The following ABCC6 variants were observed in gnomAD, a reference collection of about 807,000 sequenced individuals.
ABCC6 encodes ATP binding cassette subfamily C member 6.
ABCC6 carries 126 observed loss-of-function variants against 169.5 expected under a neutral mutation model. That is an observed-to-expected ratio of 0.74 (90% CI 0.64 to 0.86). The LOEUF is 0.86. Ranked by LOEUF, ABCC6 falls within the 40% of genes least tolerant of loss-of-function variation. The probability of loss-of-function intolerance (pLI) is 0.00; values close to 1 mark genes in which losing one functional copy is unlikely to be tolerated. For synonymous variants in ABCC6, 752 were observed against 814.7 expected (o/e 0.92, Z 1.31); for missense variants, 1,733 against 1,927.2 (o/e 0.90, Z 1.89).
At chr16:16,158,053 C>T (rs2046607666) in intron 26 of ABCC6, among the ~76,000 whole-genome samples, 1 of 152,106 alleles carries the variant, frequency 6.6e-6, no homozygotes, top group African/African-American at 2.4e-5. Flanking sequence ...ATAAAATAAT[C>T]TCTTTTTCTA....
chr16:16,179,538 G>A (rs1290477828), intron 17 of ABCC6, among the ~76,000 whole-genome samples: 1 of 151,936 alleles, frequency 6.6e-6, no homozygotes, highest in African/African-American at 2.4e-5. Context: ...GTTTCAGGAC[G>A]ATTCAAGCAC....
At chr16:16,190,096 C>T in intron 12 of ABCC6, 68 bp downstream of exon 12, 2 of 1,572,256 alleles carry the variant, frequency 1.3e-6, no homozygotes, top group Middle Eastern at 2.2e-4. Context: ...CTCCACCTAC[C>T]TCACCCTGCC....
chr16:16,221,393 T>C, intron 2 of ABCC6: 1 of 1,414,828 alleles, frequency 7.1e-7, no homozygotes, highest in Non-Finnish European at 9.3e-7. Flanking sequence ...ATGGTAGCTA[T>C]AAACTGTCCA....
At chr16:16,159,018 A>G (rs970645974) in intron 26 of ABCC6, among the ~76,000 whole-genome samples, 3 of 152,286 alleles carry the variant, frequency 2.0e-5, no homozygotes, top group East Asian at 3.9e-4. Flanking sequence ...TGTTGCCATC[A>G]TGTTACTATA....
chr16:16,157,941 T>C (rs896191742), intron 26 of ABCC6, 132 bp from the exon 27 acceptor site: 17 of 1,021,646 alleles, frequency 1.7e-5, no homozygotes, highest in Admixed American at 2.7e-5. Context: ...AGGGTTGTTA[T>C]GGGAATTCAA....
intron 20 of ABCC6, among the ~76,000 whole-genome samples, chr16:16,173,853 T>C (rs2047188272): frequency 6.6e-6 from 1 of 152,172 alleles, no homozygotes; most frequent in Non-Finnish European, 1.5e-5. Flanking sequence ...TTATTTTGGC[T>C]TAAGCTTTCG....
At chr16:16,207,929 C>G (rs1018599269) in intron 7 of ABCC6, among the ~76,000 whole-genome samples, 6 of 151,180 alleles carry the variant, frequency 4.0e-5, no homozygotes, top group African/African-American at 1.5e-4. Flanking sequence ...TGAGCACTTC[C>G]CATTTGCAAG....
In ABCC6 at chr16:16,173,006, C is replaced by A. The variant is rs868393325; in HGVS notation, c.2787+278G>T. 1.6e-4 allele frequency: 78 copies of A among 479,958 alleles called. 1 individual carries two copies. Among genetic ancestry groups the A allele is most frequent in the South Asian group, 1.6e-3 (73 of 46,992 alleles). The allele number at this position is 479,958 out of a possible 1,614,324, so 29.7% of individuals were successfully genotyped here. ...GCAGTGAGCTATGATTACATCACTG[C>A]GGTCCAGCCTGGGTGAGTGAGCGAG... is the stretch of plus-strand genomic sequence containing the variant. On this transcript the variant is annotated intron_variant, in intron 21 of 30. Coordinates refer to ENST00000205557, the MANE Select transcript of ABCC6 (RefSeq NM_001171.6).
At chr16:16,204,061 CTT>C (rs941151148) in intron 7 of ABCC6, among the ~76,000 whole-genome samples, 8 of 145,086 alleles carry the variant, frequency 5.5e-5, no homozygotes, top group Non-Finnish European at 4.6e-5. Context: ...TTTTCTTTTC[CTT>C]TTTTTTTTTT....
intron 13 of ABCC6, among the ~76,000 whole-genome samples, chr16:16,188,184 T>C (rs956923671): frequency 6.8e-6 from 1 of 147,242 alleles, no homozygotes; most frequent in African/African-American, 2.5e-5. Context: ...GTTCAAGACC[T>C]GCCTGGCCAA....
rs2046602849 is a variant in ABCC6, at chr16:16,157,866, A to G, written c.3736-57T>C. On this transcript the variant is annotated intron_variant, in intron 26 of 30. Coordinates refer to ENST00000205557, the MANE Select transcript of ABCC6 (RefSeq NM_001171.6). ...GCCTTCCTCTAAGACTTCACACAAG[A>G]TGGCCCACCTCTATCAGCTTCAGTT... is the stretch of plus-strand genomic sequence containing the variant. The G allele has an allele frequency of 3.2e-6, 5 of 1,562,902 alleles. No individual in the cohort carries two copies. In the South Asian group the frequency reaches 3.4e-5, roughly 11 times the overall value.
At position 16,169,864 on chromosome 16, in the gene ABCC6, C is replaced by T. The variant is rs1567485138; in HGVS notation, c.2788-11G>A. 6.4e-7 allele frequency: 1 copy of T among 1,551,042 alleles called. No individual in the cohort carries two copies. Among genetic ancestry groups the T allele is most frequent in the Non-Finnish European group, 8.7e-7 (1 of 1,147,380 alleles). ...CACTGTGGCCTTCACCTGTAGCACA[C>T]ATGAGGGAGAGGGAGGCAGAGAGAG... On this transcript the variant is annotated splice_polypyrimidine_tract_variant and intron_variant, in intron 21 of 30. Coordinates refer to ENST00000205557, the MANE Select transcript of ABCC6 (RefSeq NM_001171.6).
intron 21 of ABCC6, among the ~76,000 whole-genome samples, chr16:16,172,089 G>A (rs1169824039): frequency 1.3e-4 from 19 of 146,112 alleles, no homozygotes; most frequent in African/African-American, 3.5e-4. Context: ...TAAATGAGTG[G>A]GTGGGATGGC....
intron 15 of ABCC6, among the ~76,000 whole-genome samples, chr16:16,183,149 C>G (rs946364166): frequency 1.3e-5 from 2 of 152,178 alleles, no homozygotes; most frequent in Non-Finnish European, 2.9e-5. Context: ...CACATGCATG[C>G]ACATTTGCAC....
Position 16,188,871 on chromosome 16 carries a change from G to T in ABCC6, c.1739C>A (p.Ala580Asp). Residue 580 changes from alanine to aspartate, a missense_variant, in exon 13 of 31, where the codon GCC becomes GAC. By Grantham distance (126) the Ala-to-Asp change is moderately radical. Transcript: ENST00000205557. ...TLTVLNILNK[A>D]QAFLPFSIHS... Reference sequence around the variant, plus strand: ...GATGGAGAAGGGCAGGAAAGCCTGGGCCTTGTTGAGGATGTTGAGAACTGT... The same window carrying T: ...GATGGAGAAGGGCAGGAAAGCCTGGTCCTTGTTGAGGATGTTGAGAACTGT... The T allele has an allele frequency of 6.2e-7, 1 of 1,614,160 alleles. No individual in the cohort carries two copies. The highest frequency in any genetic ancestry group is 8.5e-7 in the Non-Finnish European group (1 of 1,180,018).
chr16:16,172,007 A>AGGGTGGGATGGATAAATGAGT (rs2047100260), intron 21 of ABCC6, among the ~76,000 whole-genome samples: 9 of 89,124 alleles, frequency 1.0e-4, no homozygotes, highest in African/African-American at 3.0e-4. Flanking sequence ...GATAAATGGG[A>AGGGTGGGATGGATAAATGAGT]GGGTGGGATG....
At chr16:16,154,061 C>T (rs2046466391) in intron 29 of ABCC6, among the ~76,000 whole-genome samples, 1 of 151,842 alleles carries the variant, frequency 6.6e-6, no homozygotes, top group African/African-American at 2.4e-5. Context: ...GCGTTCTTCC[C>T]ACCTCAGCCT....
intron 25 of ABCC6, 88 bp downstream of exon 25, chr16:16,161,350 C>T (rs2046709804): frequency 2.5e-6 from 4 of 1,592,884 alleles, no homozygotes; most frequent in East Asian, 2.2e-5. Flanking sequence ...GGTTTGGACA[C>T]AGGGTCTTCA....
chr16:16,214,938 A>T (rs1203910225), intron 4 of ABCC6, among the ~76,000 whole-genome samples: 1 of 152,162 alleles, frequency 6.6e-6, no homozygotes, highest in East Asian at 1.9e-4. Flanking sequence ...CCCAATTTAT[A>T]ATATTCTGTC....
Sources: allele counts gnomAD v4.1 joint callset (sites outside exome capture counted in the v4.1 genomes callset), GRCh38; gene constraint gnomAD v4.1.1; transcripts MANE v1.5; gene names NCBI Gene and HGNC (gene_info 2026-07-23, HGNC 2026-07-21).